The following GRIN2B variants were observed in gnomAD, a reference collection of about 807,000 sequenced individuals.
The protein encoded by GRIN2B is glutamate receptor ionotropic, NMDA 2B.
Under a neutral mutation model 114.5 loss-of-function variants are expected in GRIN2B, and 5 were observed. The observed-to-expected ratio is 0.04, with a 90% CI of 0.02 to 0.09. The LOEUF (loss-of-function observed/expected upper bound fraction) is 0.09. GRIN2B is among the 10% of genes least tolerant of loss of function. The pLI is 1.00. For synonymous variants in GRIN2B, 787 were observed against 745.1 expected, an observed-to-expected ratio of 1.06 and a Z score of -0.92; for missense variants, 1,108 against 1,943.5, an observed-to-expected ratio of 0.57 and a Z score of 8.08.
At chr12:13,602,207 T>C (rs1376752418) in intron 10 of GRIN2B, among the ~76,000 whole-genome samples, 2 of 152,274 alleles carry the variant, frequency 1.3e-5, no homozygotes, top group Non-Finnish European at 1.5e-5. Context: ...ATTTTTCAGA[T>C]CTGCTCTTGA....
intron 2 of GRIN2B, among the ~76,000 whole-genome samples, chr12:13,896,631 A>G (rs999153523): frequency 1.3e-5 from 2 of 152,236 alleles, no homozygotes; most frequent in South Asian, 4.1e-4. Context: ...TAATACTCAT[A>G]TGATGATCTC....
chr12:13,970,844 A>G (rs1042429595), intron 2 of GRIN2B, among the ~76,000 whole-genome samples: 3 of 152,142 alleles, frequency 2.0e-5, no homozygotes, highest in Non-Finnish European at 4.4e-5. Flanking sequence ...CCTTCTTCCT[A>G]TGTGAACTGA....
At chr12:13,884,536 CAT>C (rs1270777669) in intron 2 of GRIN2B, among the ~76,000 whole-genome samples, 1 of 152,058 alleles carries the variant, frequency 6.6e-6, no homozygotes, top group Non-Finnish European at 1.5e-5. Flanking sequence ...CTGCTTTCTA[CAT>C]AGACAGTCAT....
chr12:13,580,905 A>G lies in GRIN2B; in HGVS notation c.2011-8941T>C, dbSNP rs113545247. ...TTGCCTTTTCTAAAACGTCATATAA[A>G]TGGAATCCTGTAGTACATAACCTTT... On this transcript the variant is annotated intron_variant, in intron 10 of 13. Coordinates refer to ENST00000609686, the MANE Select transcript of GRIN2B (RefSeq NM_000834.5). Among the ~76,000 whole-genome samples, 1,309 of 152,260 alleles carry G rather than the reference A, an allele frequency of 8.6e-3. 21 individuals are homozygous for G. The highest frequency in any genetic ancestry group is 0.03 in the African/African-American group (1,229 of 41,542).
In GRIN2B at chr12:13,751,294, C is replaced by T. The variant is rs1319210620; in HGVS notation, c.1010+2023G>A. 2.0e-5 allele frequency among the ~76,000 whole-genome samples: 3 copies of T among 152,130 alleles called. No individual in the cohort carries two copies. The East Asian group carries it at 5.8e-4, about 29-fold the overall frequency. Reference sequence around the variant, plus strand: ...CCTCATTAAAGGAGCAATGAAAAGCCTCTGAAAGGTATTAAGCAAGAGAAT... The same window carrying T: ...CCTCATTAAAGGAGCAATGAAAAGCTTCTGAAAGGTATTAAGCAAGAGAAT... On this transcript the variant is annotated intron_variant, in intron 4 of 13. Transcript: ENST00000609686.
chr12:13,975,394 T>C (rs528560807), intron 2 of GRIN2B, among the ~76,000 whole-genome samples: 2 of 152,346 alleles, frequency 1.3e-5, no homozygotes, highest in East Asian at 1.9e-4. Context: ...CACAGATAAC[T>C]CTGCATTTCA....
intron 2 of GRIN2B, among the ~76,000 whole-genome samples, chr12:13,911,409 G>T (rs150869318): frequency 6.6e-6 from 1 of 152,210 alleles, no homozygotes; most frequent in East Asian, 1.9e-4. Flanking sequence ...CCTCGTCAAC[G>T]AAAGCAAGTG....
At chr12:13,627,462 G>C (rs1949579254) in intron 5 of GRIN2B, among the ~76,000 whole-genome samples, 1 of 152,216 alleles carries the variant, frequency 6.6e-6, no homozygotes, top group Non-Finnish European at 1.5e-5. Flanking sequence ...AAAGTGCCTG[G>C]AGCATGGTGA....
intron 9 of GRIN2B, 81 bp downstream of exon 9, chr12:13,611,644 C>T: frequency 1.5e-6 from 2 of 1,319,436 alleles, no homozygotes; most frequent in Non-Finnish European, 2.2e-6. Context: ...AGGGAAAATG[C>T]AGATAACAAA....
At chr12:13,761,212 G>A (rs943735708) in intron 3 of GRIN2B, among the ~76,000 whole-genome samples, 3 of 152,166 alleles carry the variant, frequency 2.0e-5, no homozygotes, top group East Asian at 1.9e-4. Flanking sequence ...AACAACTTCC[G>A]CAGAAGCCAG....
In GRIN2B at chr12:13,608,612, G is replaced by A. The variant is rs200392452; in HGVS notation, c.2001C>T (p.Ser667=). The change falls in exon 10 of 14, where the codon AGC becomes AGT. Residue 667 remains serine (S), a synonymous_variant. Transcript: ENST00000609686. ...EEYVDQVSGL[S]DKKFQRPNDF... ...CAAATGAGTCTCTTACCTTTTTGTC[G>A]CTCAGGCCAGAAACCTGGTCCACAT... 105 of 1,611,002 alleles carry A rather than the reference G, an allele frequency of 6.5e-5. No individual in the cohort carries two copies. The highest frequency in any genetic ancestry group is 1.1e-4 in the African/African-American group (8 of 74,968).
At chr12:13,661,484 C>A (rs567663506) in intron 5 of GRIN2B, among the ~76,000 whole-genome samples, 1 of 152,288 alleles carries the variant, frequency 6.6e-6, no homozygotes, top group East Asian at 1.9e-4. Flanking sequence ...TTCGCAGCTG[C>A]CCCCTAGAGA....
chr12:13,682,893 G>C (rs1373325069), intron 4 of GRIN2B, among the ~76,000 whole-genome samples: 1 of 152,076 alleles, frequency 6.6e-6, no homozygotes, highest in Non-Finnish European at 1.5e-5. Flanking sequence ...TTTCACAACT[G>C]AATACCATGA....
chr12:13,622,963 C>G (rs894095420), intron 5 of GRIN2B, among the ~76,000 whole-genome samples: 1 of 152,206 alleles, frequency 6.6e-6, no homozygotes, highest in African/African-American at 2.4e-5. Context: ...ACCTCTCCCC[C>G]TCATTTCTTT....
At chr12:13,848,204 G>C (rs947034610) in intron 3 of GRIN2B, among the ~76,000 whole-genome samples, 1 of 152,122 alleles carries the variant, frequency 6.6e-6, no homozygotes, top group African/African-American at 2.4e-5. Context: ...GGTCCAATGG[G>C]GTATCTGAAA....
intron 2 of GRIN2B, among the ~76,000 whole-genome samples, chr12:13,919,934 G>A (rs1209866036): frequency 2.0e-5 from 3 of 152,162 alleles, no homozygotes; most frequent in Admixed American, 2.0e-4. Context: ...ACCACAGGAG[G>A]AAGATCACAT....
rs543657651 is a variant in GRIN2B at position 13,551,863 on chromosome 12, G to A, written c.*10920C>T. On this transcript the variant is annotated 3_prime_UTR_variant, in exon 14 of 14. Transcript: ENST00000609686. ...CAAAGGGAGCATTAAAATAGCCATG[G>A]ATTTCAAAAGAAAATCAATTACAAT... 8 of 152,168 alleles carry A rather than the reference G, an allele frequency of 5.3e-5. No homozygotes were observed. The highest frequency in any genetic ancestry group is 1.0e-4 in the Non-Finnish European group (7 of 68,002). The allele number at this position is 152,168 out of a possible 1,614,324, so 9.4% of individuals were successfully genotyped here. A position where few individuals can be genotyped will look rare whatever the true frequency, so the allele number is the denominator to read the frequency against.
rs112785244 is a variant in GRIN2B, at chr12:13,570,080, C to T, written c.2172-63G>A. The T allele has an allele frequency of 2.4e-3, 2,667 of 1,112,624 alleles. 48 individuals carry two copies. In the African/African-American group the frequency reaches 0.035, roughly 15 times the overall value. The allele number at this position is 1,112,624 out of a possible 1,614,324, so 68.9% of individuals were successfully genotyped here. On this transcript the variant is annotated intron_variant, in intron 11 of 13. Transcript: ENST00000609686. Reference sequence around the variant, plus strand: ...TTTTAGAACAAAACTACCTGTGGGGCCATTAATATGAAGCAGTAGGGTTCC... The same window carrying T: ...TTTTAGAACAAAACTACCTGTGGGGTCATTAATATGAAGCAGTAGGGTTCC...
chr12:13,584,804 C>T (rs1054913458), intron 10 of GRIN2B, among the ~76,000 whole-genome samples: 1 of 152,220 alleles, frequency 6.6e-6, no homozygotes, highest in African/African-American at 2.4e-5. Context: ...GGCATAAGGA[C>T]AGAGGCATTT....
Sources: allele counts gnomAD v4.1 joint callset (sites outside exome capture counted in the v4.1 genomes callset), GRCh38; gene constraint gnomAD v4.1.1; transcripts MANE v1.5; gene names NCBI Gene and HGNC (gene_info 2026-07-23, HGNC 2026-07-21).